LDLRAD4: variants seen among roughly 807,000 people sequenced by gnomAD.
LDLRAD4 encodes low-density lipoprotein receptor class A domain-containing protein 4.
In LDLRAD4, 5 loss-of-function variants were observed where a neutral mutation model predicts 17.0. The ratio of observed to expected loss-of-function variants is 0.29; its 90% confidence interval spans 0.15 to 0.62. The LOEUF is 0.62. LDLRAD4 is among the 20% of genes least tolerant of loss of function. The pLI is 0.84. For synonymous variants in LDLRAD4, 168 were observed against 171.8 expected, an observed-to-expected ratio of 0.98 and a Z score of 0.17; for missense variants, 340 against 424.7, an observed-to-expected ratio of 0.80 and a Z score of 1.75.
intron 1 of LDLRAD4, among the ~76,000 whole-genome samples, chr18:13,255,151 A>T (rs768364724): frequency 6.6e-6 from 1 of 152,198 alleles, no homozygotes; most frequent in Non-Finnish European, 1.5e-5. Context: ...ATACTTCCAG[A>T]GCCCTGCTGT....
chr18:13,359,516 A>G (rs1298330228), intron 1 of LDLRAD4, among the ~76,000 whole-genome samples: 1 of 150,014 alleles, frequency 6.7e-6, no homozygotes, highest in Non-Finnish European at 1.5e-5. Flanking sequence ...GACAACTTGG[A>G]AAAAAAAAAG....
chr18:13,480,453 G>A (rs895169459), intron 3 of LDLRAD4, among the ~76,000 whole-genome samples: 5 of 152,312 alleles, frequency 3.3e-5, no homozygotes, highest in Middle Eastern at 3.4e-3. Flanking sequence ...TTTTAGGGCC[G>A]TGAGCCTATT....
At chr18:13,244,901 A>C (rs2042880741) in intron 1 of LDLRAD4, among the ~76,000 whole-genome samples, 1 of 152,246 alleles carries the variant, frequency 6.6e-6, no homozygotes, top group Non-Finnish European at 1.5e-5. Context: ...CATATGCCTC[A>C]TTAGCAATTT....
chr18:13,573,048 A>G (rs1476448361), intron 3 of LDLRAD4, among the ~76,000 whole-genome samples: 1 of 152,176 alleles, frequency 6.6e-6, no homozygotes, highest in Non-Finnish European at 1.5e-5. Context: ...TTCATTTGGG[A>G]AGGAGTTACT....
At chr18:13,342,375 C>A (rs972648028) in intron 1 of LDLRAD4, among the ~76,000 whole-genome samples, 5 of 151,012 alleles carry the variant, frequency 3.3e-5, no homozygotes, top group African/African-American at 1.2e-4. Flanking sequence ...GTTTTTCTTT[C>A]ATAGGAGGCT....
chr18:13,607,114 G>A (rs1405166987), intron 3 of LDLRAD4, among the ~76,000 whole-genome samples: 1 of 152,210 alleles, frequency 6.6e-6, no homozygotes, highest in African/African-American at 2.4e-5. Context: ...TTAATTCTGA[G>A]CTTGCTACCA....
chr18:13,620,903 C>CGGGA, intron 3 of LDLRAD4: 1 of 629,730 alleles, frequency 1.6e-6, no homozygotes. Context: ...CAGAGGCTTC[C>CGGGA]CGCTCCCCGC....
At chr18:13,343,958 G>A (rs540697517) in intron 1 of LDLRAD4, among the ~76,000 whole-genome samples, 1 of 152,290 alleles carries the variant, frequency 6.6e-6, no homozygotes, top group African/African-American at 2.4e-5. Context: ...ATTTGCTTGA[G>A]TTCATTGTAG....
intron 3 of LDLRAD4, among the ~76,000 whole-genome samples, chr18:13,605,321 G>A (rs934699458): frequency 2.0e-5 from 3 of 152,212 alleles, no homozygotes; most frequent in Non-Finnish European, 2.9e-5. Context: ...GGGCTCAAGT[G>A]ATCCTCCTGC....
chr18:13,235,810 TG>T (rs1167110959), intron 1 of LDLRAD4, among the ~76,000 whole-genome samples: 1 of 152,248 alleles, frequency 6.6e-6, no homozygotes, highest in Non-Finnish European at 1.5e-5. Flanking sequence ...TCTTGCAGGC[TG>T]GGTGCTGATC....
chr18:13,400,177 A>G (rs541538227), intron 2 of LDLRAD4, among the ~76,000 whole-genome samples: 1 of 152,374 alleles, frequency 6.6e-6, no homozygotes, highest in South Asian at 2.1e-4. Context: ...AAAATGCTAC[A>G]TAATTTGCTT....
chr18:13,262,760 C>CTG (rs1231621565), intron 1 of LDLRAD4, among the ~76,000 whole-genome samples: 15 of 100,344 alleles, frequency 1.5e-4, no homozygotes, highest in South Asian at 4.0e-4. Context: ...CCGTGCGGCC[C>CTG]TGTGCGTGGG....
chr18:13,534,360 G>A (rs1026650304), intron 3 of LDLRAD4, among the ~76,000 whole-genome samples: 6 of 152,162 alleles, frequency 3.9e-5, no homozygotes, highest in African/African-American at 1.4e-4. Context: ...CTTTTAATGG[G>A]ACCTGTTGTT....
intron 1 of LDLRAD4, among the ~76,000 whole-genome samples, chr18:13,320,867 A>G (rs1198467676): frequency 6.6e-6 from 1 of 152,202 alleles, no homozygotes; most frequent in Admixed American, 6.5e-5. Flanking sequence ...AAAGCCTAAC[A>G]GGATTGTTGT....
intron 2 of LDLRAD4, among the ~76,000 whole-genome samples, chr18:13,404,797 CA>C (rs751734866): frequency 0.013 from 1,500 of 117,296 alleles, 15 homozygotes; most frequent in African/African-American, 0.035. Flanking sequence ...AACTCCGTCT[CA>C]AAAAAAAAAA....
At chr18:13,422,882 A>G (rs928432656) in intron 2 of LDLRAD4, among the ~76,000 whole-genome samples, 2 of 152,132 alleles carry the variant, frequency 1.3e-5, no homozygotes, top group Admixed American at 6.5e-5. Flanking sequence ...TTGCCGCTCA[A>G]CCTTGGTGAC....
chr18:13,227,311 G>C lies in LDLRAD4; in HGVS notation c.-467+8323G>C, dbSNP rs529833274. Among the ~76,000 whole-genome samples, 5 of 152,304 alleles carry C rather than the reference G, an allele frequency of 3.3e-5. 1 individual carries two copies. The South Asian group carries it at 1.0e-3, about 32-fold the overall frequency. ...CTAATTAAAGACAGTCTTTCATTGA[G>C]GGGTTGGAAGCAGCTGGAATGGAGG... On this transcript the variant is annotated intron_variant, in intron 1 of 5. Coordinates refer to the LDLRAD4 transcript ENST00000399848.
At chr18:13,295,261 C>T (rs1435856193) in intron 1 of LDLRAD4, among the ~76,000 whole-genome samples, 3 of 152,216 alleles carry the variant, frequency 2.0e-5, no homozygotes, top group African/African-American at 7.2e-5. Context: ...CATATTCTTG[C>T]ATGACATGCT....
intron 1 of LDLRAD4, among the ~76,000 whole-genome samples, chr18:13,221,043 T>C (rs541314116): frequency 1.3e-5 from 2 of 152,352 alleles, no homozygotes; most frequent in Admixed American, 1.3e-4. Flanking sequence ...CCTTGCCATG[T>C]TTCTTCTCAT....
Sources: gnomAD v4.1 joint callset for allele counts (sites outside exome capture counted in the v4.1 genomes callset) on GRCh38, gnomAD v4.1.1 for gene constraint, MANE v1.5 for transcripts, NCBI Gene and HGNC (gene_info 2026-07-23, HGNC 2026-07-21) for gene names.